Variants in ZCCHC8 observed in about 807,000 individuals in gnomAD.
ZCCHC8 encodes zinc finger CCHC domain-containing protein 8.
Under a neutral mutation model 70.6 loss-of-function variants are expected in ZCCHC8, and 27 were observed. The observed-to-expected ratio is 0.38, with a 90% CI of 0.28 to 0.53. The LOEUF (loss-of-function observed/expected upper bound fraction) is 0.53, where lower values mean the gene tolerates loss of function less well. Among genes scored for constraint, ZCCHC8 ranks in the 20% least tolerant of loss-of-function variants. The probability of loss-of-function intolerance (pLI) is 0.81; values close to 1 mark genes in which losing one functional copy is unlikely to be tolerated. For missense variants in ZCCHC8, 737 were observed against 876.9 expected, an observed-to-expected ratio of 0.84 and a Z score of 2.01; for synonymous variants, 293 against 317.4, an observed-to-expected ratio of 0.92 and a Z score of 0.82.
intron 2 of ZCCHC8, among the ~76,000 whole-genome samples, chr12:122,497,848 G>GA (rs77628931): frequency 0.15 from 22,263 of 145,930 alleles, 2,203 homozygotes; most frequent in East Asian, 0.46. Flanking sequence ...GACTCTATCA[G>GA]AAAAAAAAAA....
chr12:122,488,024 A>G (rs1297339547), intron 5 of ZCCHC8, among the ~76,000 whole-genome samples: 3 of 148,830 alleles, frequency 2.0e-5, no homozygotes, highest in Non-Finnish European at 4.4e-5. Flanking sequence ...CCATGCCACC[A>G]CACTTGGCTA....
rs185068084 is a variant in ZCCHC8, at chr12:122,487,289, G to A, written c.501+2097C>T. ...ACTGCTGTCTCCCTGGAACCTAGAA[G>A]GATCCCTGGGACAAAACAGCATTCA... On this transcript the variant is annotated intron_variant, in intron 5 of 13. Coordinates refer to ENST00000633063, the MANE Select transcript of ZCCHC8 (RefSeq NM_017612.5). Among the ~76,000 whole-genome samples the A allele has an allele frequency of 2.0e-4, 30 of 152,270 alleles. No homozygotes were observed. In the East Asian group the frequency reaches 5.6e-3, roughly 28 times the overall value.
Position 122,481,705 on chromosome 12 carries a change from A to G in ZCCHC8, c.876-41T>C, listed in dbSNP as rs534897461. The G allele has an allele frequency of 1.8e-4, 291 of 1,596,750 alleles. 1 individual carries two copies. The South Asian group carries it at 3.0e-3, about 16-fold the overall frequency. On this transcript the variant is annotated intron_variant, in intron 9 of 13. Transcript: ENST00000633063. ...GGAGGAAGAAAAATACTGAATTCTT[A>G]TTTGCATGAAAACACATAGTATTCT...
At position 122,481,941 on chromosome 12, in the gene ZCCHC8, G is replaced by A; in HGVS notation, c.875+4C>T. On this transcript the variant is annotated splice_donor_region_variant and intron_variant, in intron 9 of 13. Coordinates refer to ENST00000633063, the MANE Select transcript of ZCCHC8 (RefSeq NM_017612.5). ...GACCTTCTATGGTAAAATGCCATTA[G>A]TACCTAATAACTCCTGGCTTGAATC... 1 of 1,611,374 alleles carries A rather than the reference G, an allele frequency of 6.2e-7. No individual in the cohort carries two copies. The highest frequency in any genetic ancestry group is 1.1e-5 in the South Asian group (1 of 90,498).
rs1343471386 is a variant in ZCCHC8, at chr12:122,479,656, TTTTAGA to T, written c.1140+528_1140+533del. 5.9e-5 allele frequency among the ~76,000 whole-genome samples: 9 copies of T among 152,338 alleles called. No individual in the cohort carries two copies. The East Asian group carries it at 1.2e-3, about 20-fold the overall frequency. On this transcript the variant is annotated intron_variant, in intron 11 of 13. Transcript: ENST00000633063. Reference sequence around the variant, plus strand: ...AAAAACTTTTAAAATGTTAGAGTACTTTTAGATTTAGATACTCTAACCAATCTATTT... The same window carrying T: ...AAAAACTTTTAAAATGTTAGAGTACTTTTAGATACTCTAACCAATCTATTT...
chr12:122,489,450 A>C lies in ZCCHC8; in HGVS notation c.437T>G (p.Val146Gly). 6.2e-7 allele frequency: 1 copy of C among 1,613,694 alleles called. No individual in the cohort carries two copies. Among genetic ancestry groups the C allele is most frequent in the Non-Finnish European group, 8.5e-7 (1 of 1,179,764 alleles). ...FNLLPQPSSI[V>G]LEEDHKVEES... Reference sequence around the variant, plus strand: ...TTCCACTTTGTGGTCCTCCTCTAGCACAATACTGGATGGCTAATACAAAGA... The same window carrying C: ...TTCCACTTTGTGGTCCTCCTCTAGCCCAATACTGGATGGCTAATACAAAGA... The change falls in exon 5 of 14, where the codon GTG becomes GGG. Residue 146 changes from valine (V) to glycine (G), a missense_variant. By Grantham distance (109) the Val-to-Gly change is moderately radical (BLOSUM62 -3). Transcript: ENST00000633063.
intron 13 of ZCCHC8, 51 bp downstream of exon 13, chr12:122,477,790 C>CAAAAAAA: frequency 2.0e-6 from 2 of 1,004,968 alleles, no homozygotes; most frequent in Non-Finnish European, 2.8e-6. Context: ...GACTCCATCT[C>CAAAAAAA]AAAAAAAAAA....
In ZCCHC8 at chr12:122,482,015, T is replaced by C; in HGVS notation, c.805A>G (p.Asn269Asp). 3.7e-6 allele frequency: 6 copies of C among 1,613,452 alleles called. No individual in the cohort carries two copies. The highest frequency in any genetic ancestry group is 4.2e-6 in the Non-Finnish European group (5 of 1,179,748). The change falls in exon 9 of 14, where the codon AAT becomes GAT. Residue 269 changes from asparagine to aspartate, a missense_variant. Transcript: ENST00000633063. ...MDACGEANNQNFQQRYHAEEV... is the reference protein window; with the variant it reads ...MDACGEANNQDFQQRYHAEEV... ...TCTGCGTGGTATCGCTGCTGGAAAT[T>C]CTGATTGTTTGCTTCTCCACAGGCA...
intron 13 of ZCCHC8, 149 bp downstream of exon 13, chr12:122,477,692 G>A (rs1420959122): frequency 4.6e-6 from 3 of 650,384 alleles, no homozygotes; most frequent in African/African-American, 1.8e-5. Flanking sequence ...TCGGGAGGCT[G>A]AGGCGGGAGA....
intron 2 of ZCCHC8, among the ~76,000 whole-genome samples, chr12:122,497,240 G>A (rs143378473): frequency 6.6e-6 from 1 of 152,150 alleles, no homozygotes; most frequent in Non-Finnish European, 1.5e-5. Flanking sequence ...TGGTGCCAGG[G>A]ACTAAAAAGT....
At chr12:122,498,943 C>T in intron 1 of ZCCHC8, 74 bp from the exon 2 acceptor site, 1 of 1,326,870 alleles carries the variant, frequency 7.5e-7, no homozygotes, top group Non-Finnish European at 1.1e-6. Context: ...ACTTCTCTCA[C>T]TTTTGGTGTC....
rs543600950 is a variant in ZCCHC8 at position 122,485,306 on chromosome 12, G to T, written c.502-1743C>A. Among the ~76,000 whole-genome samples, 4 of 152,242 alleles carry T rather than the reference G, an allele frequency of 2.6e-5. No individual in the cohort carries two copies. In the East Asian group the frequency reaches 5.8e-4, roughly 22 times the overall value. ...ATTTTGTATTTTTAGTAGAGACGGGGTTTCTTCATGTTGGTCAGGCTGGTC... is the reference window on the plus strand; with the variant it reads ...ATTTTGTATTTTTAGTAGAGACGGGTTTTCTTCATGTTGGTCAGGCTGGTC... On this transcript the variant is annotated intron_variant, in intron 5 of 13. Coordinates refer to ENST00000633063, the MANE Select transcript of ZCCHC8 (RefSeq NM_017612.5).
At chr12:122,495,865 A>G (rs1215761422) in intron 2 of ZCCHC8, among the ~76,000 whole-genome samples, 5 of 33,774 alleles carry the variant, frequency 1.5e-4, no homozygotes, top group South Asian at 1.0e-3. Flanking sequence ...AAAAAAAAAA[A>G]AAAAAAAAAA....
chr12:122,478,328 G>GT (rs1273296524), intron 11 of ZCCHC8, 36 bp from the exon 12 acceptor site: 1 of 1,451,776 alleles, frequency 6.9e-7, no homozygotes, highest in African/African-American at 1.4e-5. Context: ...AAAAACACAT[G>GT]TATTTGGAAA....
chr12:122,486,702 T>C (rs1305135553), intron 5 of ZCCHC8, among the ~76,000 whole-genome samples: 18 of 151,986 alleles, frequency 1.2e-4, no homozygotes, highest in Admixed American at 1.2e-3. Flanking sequence ...CCTGAGTAGC[T>C]GGGATTATGG....
At chr12:122,490,062 T>C (rs561004572) in intron 4 of ZCCHC8, among the ~76,000 whole-genome samples, 3 of 152,068 alleles carry the variant, frequency 2.0e-5, no homozygotes, top group African/African-American at 7.2e-5. Context: ...ATGCGTGATC[T>C]AATATTCACA....
chr12:122,483,379 G>T lies in ZCCHC8; in HGVS notation c.606-35C>A. On this transcript the variant is annotated intron_variant, in intron 6 of 13. Coordinates refer to ENST00000633063, the MANE Select transcript of ZCCHC8 (RefSeq NM_017612.5). The surrounding 1 kb of genome is among the most constrained non-coding windows in gnomAD (Gnocchi z 4.4). The stretch of plus-strand genomic sequence containing the variant: ...ATTTTATTAAGGAATAGTTATCATG[G>T]TCTGCAAAATTTGGAAATTGTTTTA... 6.3e-7 allele frequency: 1 copy of T among 1,575,658 alleles called. No homozygotes were observed. Among genetic ancestry groups the T allele is most frequent in the Non-Finnish European group, 8.6e-7 (1 of 1,158,656 alleles).
intron 1 of ZCCHC8, 192 bp from the exon 2 acceptor site, chr12:122,499,061 G>T (rs973119044): frequency 1.7e-6 from 1 of 604,610 alleles, no homozygotes; most frequent in South Asian, 2.0e-5. Flanking sequence ...TTAAAGTACG[G>T]TTTTTATCCT....
chr12:122,477,887 ATTC>A lies in ZCCHC8; in HGVS notation c.1296_1298del (p.Lys432del). On this transcript the variant is annotated inframe_deletion, in exon 13 of 14. Transcript: ENST00000633063. ...CGGGAGATCCCGCTGAGTTGCTTTCATTCTTCTGCTTCTTTGGACTACCTGGGC... is the reference window on the plus strand; with the variant it reads ...CGGGAGATCCCGCTGAGTTGCTTTCATTCTGCTTCTTTGGACTACCTGGGC... 1 of 1,613,680 alleles carries A rather than the reference ATTC, an allele frequency of 6.2e-7. No homozygotes were observed. The highest frequency in any genetic ancestry group is 1.1e-5 in the South Asian group (1 of 91,054).
Sources: gnomAD v4.1 joint callset for allele counts (sites outside exome capture counted in the v4.1 genomes callset) on GRCh38, gnomAD v4.1.1 for gene constraint, Gnocchi (gnomAD v3.1) non-coding constraint, MANE v1.5 for transcripts, NCBI Gene and HGNC (gene_info 2026-07-23, HGNC 2026-07-21) for gene names.